Variants in C1QTNF3 observed in about 807,000 individuals in gnomAD.
The protein encoded by C1QTNF3 is C1q and TNF related 3, also known as complement C1q tumor necrosis factor-related protein 3.
C1QTNF3 carries 26 observed loss-of-function variants against 32.6 expected under a neutral mutation model. The ratio of observed to expected loss-of-function variants is 0.80; its 90% confidence interval spans 0.58 to 1.11. The LOEUF (loss-of-function observed/expected upper bound fraction) is 1.11, where lower values mean the gene tolerates loss of function less well. C1QTNF3 is among the 50% of genes least tolerant of loss of function. The probability of loss-of-function intolerance (pLI) is 0.00; values close to 1 mark genes in which losing one functional copy is unlikely to be tolerated. For missense variants in C1QTNF3, 362 were observed against 398.2 expected (o/e 0.91, Z 0.77); for synonymous variants, 155 against 146.0 (o/e 1.06, Z -0.44).
the C1QTNF3 span, among the ~76,000 whole-genome samples, chr5:34,176,442 T>C: frequency 2.0e-5 from 3 of 150,488 alleles, no homozygotes; most frequent in Non-Finnish European, 4.4e-5. Context: ...CAAGGAATGA[T>C]GTAACCCAGA....
the C1QTNF3 span, among the ~76,000 whole-genome samples, chr5:34,141,648 C>T: frequency 1.3e-5 from 2 of 152,058 alleles, no homozygotes; most frequent in Admixed American, 1.3e-4. Context: ...ACTAATATTG[C>T]AGAATCTCAT....
the C1QTNF3 span, among the ~76,000 whole-genome samples, chr5:34,110,771 A>T: frequency 2.9e-3 from 440 of 151,940 alleles, 3 homozygotes; most frequent in African/African-American, 0.01. Context: ...TTGTTCTTGT[A>T]ATACATTCTC....
the C1QTNF3 span, among the ~76,000 whole-genome samples, chr5:34,235,546 CTT>C: frequency 1.2e-3 from 124 of 103,924 alleles, 2 homozygotes; most frequent in South Asian, 0.012. Flanking sequence ...ATTTCTTTTT[CTT>C]TTTTTTTTTT....
At chr5:34,241,013 C>A in the C1QTNF3 span, among the ~76,000 whole-genome samples, 1 of 151,760 alleles carries the variant, frequency 6.6e-6, no homozygotes, top group Non-Finnish European at 1.5e-5. Flanking sequence ...AGAATTAAAT[C>A]AAAAACCATA....
the C1QTNF3 span, among the ~76,000 whole-genome samples, chr5:34,135,360 A>C: frequency 6.6e-6 from 1 of 152,062 alleles, no homozygotes; most frequent in East Asian, 1.9e-4. Flanking sequence ...TTCATCAGGG[A>C]TATTGGTCTA....
chr5:34,157,196 T>G, the C1QTNF3 span, among the ~76,000 whole-genome samples: 1 of 152,196 alleles, frequency 6.6e-6, no homozygotes, highest in African/African-American at 2.4e-5. Flanking sequence ...TTACTCAGAT[T>G]ACTCACGGCC....
chr5:34,176,090 G>C, the C1QTNF3 span: 2 of 551,370 alleles, frequency 3.6e-6, no homozygotes, highest in Admixed American at 6.3e-5. Context: ...ACTCACTGAT[G>C]CTAGGGTAAA....
the C1QTNF3 span, among the ~76,000 whole-genome samples, chr5:34,072,409 G>GA: frequency 6.6e-6 from 1 of 151,622 alleles, no homozygotes; most frequent in Non-Finnish European, 1.5e-5. Flanking sequence ...AAGAAAGAAA[G>GA]AAAGAAAGAA....
At chr5:34,233,001 TTTC>T in the C1QTNF3 span, among the ~76,000 whole-genome samples, 7 of 148,560 alleles carry the variant, frequency 4.7e-5, no homozygotes, top group South Asian at 1.6e-3. Flanking sequence ...CTACAGTGCA[TTTC>T]TTTTCAGCCC....
At chr5:34,177,535 G>A in the C1QTNF3 span, among the ~76,000 whole-genome samples, 4 of 134,886 alleles carry the variant, frequency 3.0e-5, no homozygotes, top group South Asian at 9.3e-4. Context: ...CGCCCAGGCT[G>A]GAGTGCAGTG....
chr5:34,216,750 T>C, the C1QTNF3 span, among the ~76,000 whole-genome samples: 1 of 152,190 alleles, frequency 6.6e-6, no homozygotes, highest in South Asian at 2.1e-4. Context: ...AATAAATGTA[T>C]AGAATAGAGC....
At chr5:34,160,913 AAAAG>A in the C1QTNF3 span, among the ~76,000 whole-genome samples, 4 of 152,220 alleles carry the variant, frequency 2.6e-5, no homozygotes, top group African/African-American at 7.2e-5. Context: ...ATTGGGAAAA[AAAAG>A]AAAGAATAAG....
upstream of C1QTNF3, among the ~76,000 whole-genome samples, chr5:34,044,595 G>A (rs1754954876): frequency 6.6e-6 from 1 of 152,152 alleles, no homozygotes; most frequent in African/African-American, 2.4e-5. Flanking sequence ...AAACTAGCCT[G>A]GCCCCTCCTG....
In C1QTNF3 at chr5:34,043,074, G is replaced by A. The variant is rs371214613; in HGVS notation, c.52C>T (p.Pro18Ser). The part of the protein sequence containing the change: ...YWQLLALFFL[P>S]FCLCQDEYME... ...TATTCATCTTGACACAGGCAAAAAG[G>A]GAGGAAAAACAAAGCCAGCAGTTGC... The change falls in exon 1 of 6, where the codon CCT becomes TCT. Residue 18 changes from proline to serine, a missense_variant. By Grantham distance (74) the Pro-to-Ser change is moderately conservative (BLOSUM62 -1). Coordinates refer to ENST00000382065, the MANE Select transcript of C1QTNF3 (RefSeq NM_181435.6). 6.2e-7 allele frequency: 1 copy of A among 1,613,924 alleles called. No homozygotes were observed. Among genetic ancestry groups the A allele is most frequent in the Admixed American group, 1.7e-5 (1 of 60,022 alleles).
the C1QTNF3 span, among the ~76,000 whole-genome samples, chr5:34,225,694 A>T: frequency 7.2e-5 from 11 of 151,910 alleles, no homozygotes; most frequent in East Asian, 1.6e-3. Flanking sequence ...AGAGTGCCCC[A>T]AACCTTGGTC....
intron 1 of C1QTNF3, among the ~76,000 whole-genome samples, chr5:34,041,913 TTAAAG>T (rs770029251): frequency 1.3e-5 from 2 of 151,648 alleles, no homozygotes; most frequent in Non-Finnish European, 2.9e-5. Flanking sequence ...ATTTAATGCA[TTAAAG>T]TAATCAAATC....
chr5:34,127,866 A>G, the C1QTNF3 span, among the ~76,000 whole-genome samples: 2 of 151,818 alleles, frequency 1.3e-5, no homozygotes, highest in Non-Finnish European at 2.9e-5. Flanking sequence ...TTGCAACTTG[A>G]CCATGTGGTT....
At chr5:34,045,727 A>G (rs557394873), upstream of C1QTNF3, among the ~76,000 whole-genome samples, 5 of 151,918 alleles carry the variant, frequency 3.3e-5, no homozygotes, top group South Asian at 1.0e-3. Context: ...GCAAAGAAGG[A>G]TCTCTCCTTC....
the C1QTNF3 span, among the ~76,000 whole-genome samples, chr5:34,144,254 A>T: frequency 6.6e-6 from 1 of 152,262 alleles, no homozygotes; most frequent in Non-Finnish European, 1.5e-5. Context: ...ACATTGGAGC[A>T]ACCAGATTGA....
Sources: allele counts gnomAD v4.1 joint callset (sites outside exome capture counted in the v4.1 genomes callset), GRCh38; gene constraint gnomAD v4.1.1; transcripts MANE v1.5; gene names NCBI Gene and HGNC (gene_info 2026-07-23, HGNC 2026-07-21).